Variants in ABCA13 observed in about 807,000 individuals in gnomAD.
ABCA13 encodes the protein ATP binding cassette subfamily A member 13, also known as ATP-binding cassette sub-family A member 13.
ABCA13 carries 476 observed loss-of-function variants against 478.7 expected under a neutral mutation model. The ratio of observed to expected loss-of-function variants is 0.99; its 90% confidence interval spans 0.92 to 1.07. ABCA13 has a LOEUF of 1.07. Ranked by LOEUF, ABCA13 falls within the 50% of genes least tolerant of loss-of-function variation. The pLI, the probability that ABCA13 is intolerant of heterozygous loss-of-function variation, is 0.00. For missense variants in ABCA13, 6,060 were observed against 5,910.6 expected, an observed-to-expected ratio of 1.03 and a Z score of -0.83; for synonymous variants, 2,252 against 2,158.9, an observed-to-expected ratio of 1.04 and a Z score of -1.20.
chr7:48,198,355 T>A lies in ABCA13; in HGVS notation c.282T>A (p.His94Gln). ...GCTATGAAGGGTCAATGGAGCATCA[T>A]TTTCGGTAAGAGAAACACAAAGATC... ...NFSYEGSMEH[H>Q]FRLSRFQTAA... is the part of the protein sequence containing the mutation. The change falls in exon 3 of 62, where the codon CAT becomes CAA. Residue 94 changes from histidine (H) to glutamine (Q), a missense_variant. His to Gln is a conservative substitution (Grantham distance 24). Coordinates refer to ENST00000435803, the MANE Select transcript of ABCA13 (RefSeq NM_152701.5). The A allele has an allele frequency of 1.2e-6, 2 of 1,613,450 alleles. No individual in the cohort carries two copies. The highest frequency in any genetic ancestry group is 1.7e-6 in the Non-Finnish European group (2 of 1,179,702).
Position 48,530,015 on chromosome 7 carries a change from C to A in ABCA13, c.14354+1670C>A, listed in dbSNP as rs144037158. On this transcript the variant is annotated intron_variant, in intron 55 of 61. Transcript: ENST00000435803. Reference sequence around the variant, plus strand: ...TTTCTGAGATTTTGGTGCACCTCACCCAAGCAGTGTACACAGTACCTAATT... The same window carrying A: ...TTTCTGAGATTTTGGTGCACCTCACACAAGCAGTGTACACAGTACCTAATT... Among the ~76,000 whole-genome samples the A allele has an allele frequency of 2.9e-4, 44 of 152,044 alleles. No homozygotes were observed. In the East Asian group the frequency reaches 7.2e-3, roughly 25 times the overall value.
At position 48,536,312 on chromosome 7, in the gene ABCA13, G is replaced by A. The variant is rs575591417; in HGVS notation, c.14354+7967G>A. ...TTTCATCTAATGTAGACATTATTTT[G>A]TTGGCAATTTTATAAAAAGTTCTTA... On this transcript the variant is annotated intron_variant, in intron 55 of 61. Transcript: ENST00000435803. Among the ~76,000 whole-genome samples, 5 of 152,178 alleles carry A rather than the reference G, an allele frequency of 3.3e-5. No individual in the cohort carries two copies. The South Asian group carries it at 1.0e-3, about 32-fold the overall frequency.
intron 59 of ABCA13, among the ~76,000 whole-genome samples, chr7:48,621,306 T>G (rs1365284550): frequency 6.6e-6 from 1 of 152,228 alleles, no homozygotes; most frequent in Non-Finnish European, 1.5e-5. Context: ...TCGTAGAGTG[T>G]TTAATATCCA....
intron 20 of ABCA13, among the ~76,000 whole-genome samples, 194 bp downstream of exon 20, chr7:48,288,272 G>A (rs145091597): frequency 5.9e-5 from 9 of 152,248 alleles, no homozygotes; most frequent in Non-Finnish European, 1.2e-4. Context: ...GTGGTGTGCT[G>A]GGTTGAGTGG....
In ABCA13 at chr7:48,310,126, A is replaced by C; in HGVS notation, c.9501A>C (p.Arg3167=). Residue 3167 remains arginine (R), a synonymous_variant, in exon 24 of 62, where the codon CGA becomes CGC. Transcript: ENST00000435803. ...TGCTGAGTCGAAACTTGGATGTGCG[A>C]GCTTTCATTTACAAGGTATGGAGAG... ...IVLLSRNLDV[R]AFIYKTLMPS... is the part of the protein sequence containing the mutation. 6.2e-7 allele frequency: 1 copy of C among 1,610,316 alleles called. No homozygotes were observed. The highest frequency in any genetic ancestry group is 1.3e-5 in the African/African-American group (1 of 74,978).
intron 30 of ABCA13, among the ~76,000 whole-genome samples, 179 bp downstream of exon 30, chr7:48,350,998 A>G (rs775175172): frequency 6.6e-6 from 1 of 152,214 alleles, no homozygotes; most frequent in African/African-American, 2.4e-5. Flanking sequence ...TGAAGCAGAA[A>G]TATTTGCCTT....
At position 48,309,837 on chromosome 7, in the gene ABCA13, T is replaced by G; in HGVS notation, c.9322-110T>G. The G allele has an allele frequency of 3.2e-6, 4 of 1,257,884 alleles. No homozygotes were observed. In the South Asian group the frequency reaches 5.7e-5, roughly 18 times the overall value. The allele number at this position is 1,257,884 out of a possible 1,614,324, so 77.9% of individuals were successfully genotyped here. Reference sequence around the variant, plus strand: ...CGCATCTGCAGGTCAGTCCCGGGAGTTGGGAAATCCACTCTTGGGCGACTC... The same window carrying G: ...CGCATCTGCAGGTCAGTCCCGGGAGGTGGGAAATCCACTCTTGGGCGACTC... On this transcript the variant is annotated intron_variant, in intron 23 of 61. Transcript: ENST00000435803.
At chr7:48,269,509 C>T (rs534635365) in intron 16 of ABCA13, among the ~76,000 whole-genome samples, 6 of 152,116 alleles carry the variant, frequency 3.9e-5, no homozygotes, top group African/African-American at 1.4e-4. Context: ...CTAAATTTGT[C>T]GGACTATTTT....
chr7:48,458,667 G>A (rs888709878), intron 43 of ABCA13, among the ~76,000 whole-genome samples: 1 of 152,086 alleles, frequency 6.6e-6, no homozygotes, highest in African/African-American at 2.4e-5. Context: ...CTTCATAAAA[G>A]CACAAACCAG....
chr7:48,499,229 A>T (rs1830527833), intron 48 of ABCA13, among the ~76,000 whole-genome samples: 1 of 152,194 alleles, frequency 6.6e-6, no homozygotes, highest in Admixed American at 6.5e-5. Context: ...TAGTCAGAAG[A>T]ACGCATATAT....
rs557510249 is a variant in ABCA13, at chr7:48,275,920, G to A, written c.6254G>A (p.Gly2085Glu). 4 of 1,613,590 alleles carry A rather than the reference G, an allele frequency of 2.5e-6. No homozygotes were observed. The East Asian group carries it at 8.9e-5, about 36-fold the overall frequency. ...CACCTGCTTTCTGAAATGAACAAAG[G>A]AATCAAAAGTATAAATTCAATGGCT... Reference protein sequence around the residue: ...IRHLLSEMNKGIKSINSMALQ... With the variant: ...IRHLLSEMNKEIKSINSMALQ... Residue 2085 changes from glycine to glutamate, a missense_variant, in exon 17 of 62, where the codon GGA becomes GAA. Around this residue, in one of 3 missense-constraint regions of ABCA13, gnomAD observed 4,423 missense variants for 4,309.1 expected, o/e 1.03. Transcript: ENST00000435803.
In ABCA13 at chr7:48,239,415, CCTCT is replaced by C. The variant is rs1447138075; in HGVS notation, c.1062+15_1062+18del. The C allele has an allele frequency of 1.2e-6, 2 of 1,608,254 alleles. No individual in the cohort carries two copies. Among genetic ancestry groups the C allele is most frequent in the South Asian group, 1.1e-5 (1 of 89,890 alleles). Reference sequence around the variant, plus strand: ...GCGAGTCTACCAACAGGTGCTGTCCCCTCTCTCTATGTTCTGTTCAAAGGTGTGC... The same window carrying C: ...GCGAGTCTACCAACAGGTGCTGTCCCCTCTATGTTCTGTTCAAAGGTGTGC... On this transcript the variant is annotated intron_variant, in intron 9 of 61. Coordinates refer to ENST00000435803, the MANE Select transcript of ABCA13 (RefSeq NM_152701.5).
intron 42 of ABCA13, among the ~76,000 whole-genome samples, chr7:48,446,989 G>T (rs1824391385): frequency 6.6e-6 from 1 of 152,232 alleles, no homozygotes; most frequent in East Asian, 1.9e-4. Flanking sequence ...ACTTCTGTCA[G>T]AAGCAGTGAA....
chr7:48,510,817 A>G (rs1399615611), intron 50 of ABCA13, among the ~76,000 whole-genome samples: 1 of 151,842 alleles, frequency 6.6e-6, no homozygotes, highest in Non-Finnish European at 1.5e-5. Flanking sequence ...AATTGACTTC[A>G]TTTTACCTTA....
At chr7:48,288,682 C>T (rs1008953148) in intron 20 of ABCA13, among the ~76,000 whole-genome samples, 4 of 152,124 alleles carry the variant, frequency 2.6e-5, no homozygotes, top group Non-Finnish European at 5.9e-5. Context: ...ATTTACCAGC[C>T]CAACACTGGC....
intron 55 of ABCA13, among the ~76,000 whole-genome samples, chr7:48,549,683 A>G (rs1289487778): frequency 6.6e-6 from 1 of 151,900 alleles, no homozygotes; most frequent in Admixed American, 6.6e-5. Context: ...TCCCACAAAC[A>G]GTATAAAAGC....
intron 59 of ABCA13, among the ~76,000 whole-genome samples, chr7:48,620,914 G>A (rs751333459): frequency 5.3e-5 from 8 of 152,150 alleles, no homozygotes; most frequent in Non-Finnish European, 1.2e-4. Flanking sequence ...TGAGAAAGGA[G>A]TGCCCTCTTC....
rs186930023 is a variant in ABCA13 at position 48,638,949 on chromosome 7, C to T, written c.14838-4339C>T. ...AATTACTCAGCTGGAACTGTAACTC[C>T]CTCCATTCCCTTGGAGTTGTGTGAC... On this transcript the variant is annotated intron_variant, in intron 59 of 61. Coordinates refer to ENST00000435803, the MANE Select transcript of ABCA13 (RefSeq NM_152701.5). Among the ~76,000 whole-genome samples the T allele has an allele frequency of 4.4e-3, 669 of 152,266 alleles. 7 individuals carry two copies. The highest frequency in any genetic ancestry group is 0.015 in the African/African-American group (632 of 41,562).
At position 48,352,424 on chromosome 7, in the gene ABCA13, AG is replaced by A. The variant is rs1809170953; in HGVS notation, c.10627del (p.Glu3543LysfsTer23). 4 of 1,613,198 alleles carry A rather than the reference AG, an allele frequency of 2.5e-6. No individual in the cohort carries two copies. The highest frequency in any genetic ancestry group is 3.3e-5 in the Admixed American group (2 of 59,954). ...ERAIILVQTG[Q>X]EALEPAAQTQ... ...GCCATCATTTTGGTGCAGACTGGGCAGGAAGCCCTGGAACCAGCAGCACAGA... is the reference window on the plus strand; with the variant it reads ...GCCATCATTTTGGTGCAGACTGGGCAGAAGCCCTGGAACCAGCAGCACAGA... On this transcript the variant is annotated frameshift_variant, in exon 31 of 62. Transcript: ENST00000435803. LOFTEE classifies it high-confidence loss of function.
Sources: allele counts gnomAD v4.1 joint callset (sites outside exome capture counted in the v4.1 genomes callset), GRCh38; gene constraint gnomAD v4.1.1; regional missense constraint gnomAD v4.1.1; transcripts MANE v1.5; gene names NCBI Gene and HGNC (gene_info 2026-07-23, HGNC 2026-07-21).